Variants in TLK1 observed in about 807,000 individuals in gnomAD.
TLK1 encodes the protein tousled like kinase 1, also known as serine/threonine-protein kinase tousled-like 1.
Under a neutral mutation model 105.3 loss-of-function variants are expected in TLK1, and 24 were observed. That is an observed-to-expected ratio of 0.23 (90% CI 0.17 to 0.32). The LOEUF (loss-of-function observed/expected upper bound fraction) is 0.32, where lower values mean the gene tolerates loss of function less well. Ranked by LOEUF, TLK1 falls within the 10% of genes least tolerant of loss-of-function variation. TLK1 has a pLI of 1.00. For missense variants in TLK1, 558 were observed against 910.5 expected (o/e 0.61, Z 4.98); for synonymous variants, 321 against 310.4 (o/e 1.03, Z -0.36).
intron 3 of TLK1, among the ~76,000 whole-genome samples, chr2:171,076,249 C>T (rs1688500616): frequency 6.6e-6 from 1 of 151,594 alleles, no homozygotes; most frequent in Admixed American, 6.6e-5. Context: ...AGGTAGGGGC[C>T]TCATGAATGG....
At chr2:171,226,534 C>T (rs1262309606) in intron 1 of TLK1, among the ~76,000 whole-genome samples, 1 of 152,140 alleles carries the variant, frequency 6.6e-6, no homozygotes, top group Non-Finnish European at 1.5e-5. Context: ...TGTCACTGTA[C>T]AGATTTATGA....
intron 11 of TLK1, among the ~76,000 whole-genome samples, chr2:171,032,856 A>T (rs1686109609): frequency 6.6e-6 from 1 of 152,180 alleles, no homozygotes; most frequent in Non-Finnish European, 1.5e-5. Context: ...CACTCTATGT[A>T]CAAAAATTAA....
chr2:171,074,862 TAAG>T (rs1272177233), intron 3 of TLK1, among the ~76,000 whole-genome samples: 6 of 151,346 alleles, frequency 4.0e-5, no homozygotes, highest in Admixed American at 3.9e-4. Context: ...TCTAACATCT[TAAG>T]GAGGAGAACA....
chr2:171,230,911 A>G (rs894793263), intron 1 of TLK1, among the ~76,000 whole-genome samples: 1 of 152,186 alleles, frequency 6.6e-6, no homozygotes, highest in African/African-American at 2.4e-5. Flanking sequence ...GTGTACCCGT[A>G]TATCTGGAGC....
chr2:171,059,480 G>T (rs1037130278), intron 4 of TLK1, among the ~76,000 whole-genome samples: 2 of 152,122 alleles, frequency 1.3e-5, no homozygotes, highest in Non-Finnish European at 2.9e-5. Context: ...CATACAGGCT[G>T]TATGTTTAAG....
intron 1 of TLK1, among the ~76,000 whole-genome samples, chr2:171,223,405 T>C (rs746166318): frequency 6.6e-6 from 1 of 152,178 alleles, no homozygotes; most frequent in African/African-American, 2.4e-5. Flanking sequence ...ATTAATGAGG[T>C]TGAGCATTTT....
intron 10 of TLK1, among the ~76,000 whole-genome samples, chr2:171,048,478 C>T (rs10930453): frequency 0.58 from 88,508 of 151,964 alleles, 27,976 homozygotes; most frequent in East Asian, 0.95. Context: ...ATCTGGATAC[C>T]CCTCCATCTT....
intron 2 of TLK1, among the ~76,000 whole-genome samples, chr2:171,115,468 C>G (rs1690381202): frequency 1.3e-5 from 2 of 152,042 alleles, no homozygotes; most frequent in Non-Finnish European, 2.9e-5. Context: ...CAACCGTGCC[C>G]GGCCTTTTAA....
At chr2:171,140,004 G>A (rs2105574984) in intron 1 of TLK1, among the ~76,000 whole-genome samples, 1 of 152,322 alleles carries the variant, frequency 6.6e-6, no homozygotes, top group East Asian at 1.9e-4. Flanking sequence ...GTGGAGCTCA[G>A]GCGGGAATGC....
chr2:171,214,043 AT>A, intron 1 of TLK1, among the ~76,000 whole-genome samples: 1 of 151,348 alleles, frequency 6.6e-6, no homozygotes, highest in Non-Finnish European at 1.5e-5. Flanking sequence ...AAAATTTTTA[AT>A]GAAAAAAAAA....
chr2:171,053,509 C>A (rs978871600), intron 8 of TLK1, among the ~76,000 whole-genome samples: 1 of 151,980 alleles, frequency 6.6e-6, no homozygotes. Flanking sequence ...ACTACAGGCA[C>A]GCACCACCAT....
chr2:171,149,313 T>C (rs1400777461), intron 1 of TLK1, among the ~76,000 whole-genome samples: 1 of 152,096 alleles, frequency 6.6e-6, no homozygotes, highest in Non-Finnish European at 1.5e-5. Flanking sequence ...CTCATTCAAT[T>C]TCACAACCTT....
chr2:171,006,343 CT>C, intron 17 of TLK1, 61 bp from the exon 18 acceptor site: 1 of 1,493,698 alleles, frequency 6.7e-7, no homozygotes, highest in Non-Finnish European at 8.9e-7. Flanking sequence ...ACTTTAATAA[CT>C]TTTAATTTTA....
chr2:171,143,807 T>C (rs999188390), intron 1 of TLK1, among the ~76,000 whole-genome samples: 6 of 151,716 alleles, frequency 4.0e-5, no homozygotes, highest in Non-Finnish European at 7.4e-5. Context: ...ATGAGACCTA[T>C]AGAAAACAAA....
At chr2:171,199,510 T>TAA (rs71013024) in intron 1 of TLK1, among the ~76,000 whole-genome samples, 1 of 147,316 alleles carries the variant, frequency 6.8e-6, no homozygotes, top group South Asian at 2.1e-4. Context: ...GAGACCTGGT[T>TAA]AAAAAAAAAA....
At chr2:171,000,091 T>TA (rs1487938266) in intron 18 of TLK1, among the ~76,000 whole-genome samples, 1 of 152,060 alleles carries the variant, frequency 6.6e-6, no homozygotes, top group Non-Finnish European at 1.5e-5. Context: ...AAAAGTTAAT[T>TA]ACTAGGCTGA....
intron 2 of TLK1, among the ~76,000 whole-genome samples, chr2:171,099,788 A>C (rs537643609): frequency 1.3e-5 from 2 of 152,382 alleles, no homozygotes; most frequent in East Asian, 3.9e-4. Context: ...TTGCTGAGAC[A>C]ACTGAATAGT....
At chr2:171,086,247 T>A (rs375414819) in intron 2 of TLK1, among the ~76,000 whole-genome samples, 16 of 152,208 alleles carry the variant, frequency 1.1e-4, no homozygotes, top group East Asian at 3.9e-4. Context: ...GATAACTATA[T>A]ATAAATCCTG....
chr2:171,048,380 A>G (rs928704174), intron 10 of TLK1, among the ~76,000 whole-genome samples: 5 of 152,238 alleles, frequency 3.3e-5, no homozygotes, highest in African/African-American at 1.2e-4. Context: ...TTAGTAGCAG[A>G]GCCTCTTGCT....
Sources: gnomAD v4.1 joint callset for allele counts (sites outside exome capture counted in the v4.1 genomes callset) on GRCh38, gnomAD v4.1.1 for gene constraint, MANE v1.5 for transcripts, NCBI Gene and HGNC (gene_info 2026-07-23, HGNC 2026-07-21) for gene names.